PARN: variants seen among roughly 807,000 people sequenced by gnomAD.
PARN encodes the protein poly(A)-specific ribonuclease PARN.
Under a neutral mutation model 102.8 loss-of-function variants are expected in PARN, and 71 were observed. The ratio of observed to expected loss-of-function variants is 0.69; its 90% CI spans 0.57 to 0.84. The LOEUF (loss-of-function observed/expected upper bound fraction) is 0.84. Ranked by LOEUF, PARN falls within the 40% of genes least tolerant of loss-of-function variation. The pLI is 0.00. For missense variants in PARN, 782 were observed against 760.9 expected (o/e 1.03, Z -0.33); for synonymous variants, 261 against 252.9 (o/e 1.03, Z -0.30).
At chr16:14,512,280 T>C (rs989616780) in intron 21 of PARN, among the ~76,000 whole-genome samples, 1 of 152,130 alleles carries the variant, frequency 6.6e-6, no homozygotes, top group East Asian at 1.9e-4. Context: ...GGCAGGCAGA[T>C]TGCTTGAGGT....
intron 21 of PARN, among the ~76,000 whole-genome samples, chr16:14,509,865 G>A (rs554921992): frequency 6.6e-6 from 1 of 152,306 alleles, no homozygotes; most frequent in South Asian, 2.1e-4. Flanking sequence ...AAGTGTCCTT[G>A]TTATTGCTTT....
rs1292422971 is a variant in PARN, at chr16:14,558,605, T to G, written c.1263-2896A>C. 2.0e-5 allele frequency: 3 copies of G among 152,180 alleles called. No homozygotes were observed. In the East Asian group the frequency reaches 5.8e-4, roughly 29 times the overall value. The allele number at this position is 152,180 out of a possible 1,614,324, so 9.4% of individuals were successfully genotyped here. A position where few individuals can be genotyped will look rare whatever the true frequency, so the allele number is the denominator to read the frequency against. On this transcript the variant is annotated intron_variant, in intron 18 of 23. Transcript: ENST00000437198. ...GCTATACCATCAAATATGCCAATAATCAAAATCAACCTCAAGATTTGATAA... is the reference window on the plus strand; with the variant it reads ...GCTATACCATCAAATATGCCAATAAGCAAAATCAACCTCAAGATTTGATAA...
intron 18 of PARN, among the ~76,000 whole-genome samples, chr16:14,559,926 C>T (rs1268072170): frequency 6.6e-6 from 1 of 152,188 alleles, no homozygotes; most frequent in Non-Finnish European, 1.5e-5. Context: ...AAAACTGTGG[C>T]TGAGTGTCTG....
chr16:14,530,127 A>G (rs1160175525), intron 21 of PARN, among the ~76,000 whole-genome samples: 1 of 152,214 alleles, frequency 6.6e-6, no homozygotes, highest in East Asian at 1.9e-4. Context: ...AGGAGAGCCA[A>G]GCAAGGTGGA....
At position 14,473,193 on chromosome 16, in the gene PARN, T is replaced by C. The variant is rs1962845838; in HGVS notation, c.1670+9445A>G. On this transcript the variant is annotated intron_variant, in intron 22 of 23. Coordinates refer to ENST00000437198, the MANE Select transcript of PARN (RefSeq NM_002582.4). ...AAAAGAATATAACAGGAGCTGCCACTGGGAAGAGAAGCTGCGAGTGAGGAA... is the reference window on the plus strand; with the variant it reads ...AAAAGAATATAACAGGAGCTGCCACCGGGAAGAGAAGCTGCGAGTGAGGAA... Among the ~76,000 whole-genome samples the C allele has an allele frequency of 2.0e-5, 3 of 152,202 alleles. No individual in the cohort carries two copies. The South Asian group carries it at 6.2e-4, about 31-fold the overall frequency.
At chr16:14,556,217 G>A (rs556425781) in intron 18 of PARN, among the ~76,000 whole-genome samples, 3 of 151,664 alleles carry the variant, frequency 2.0e-5, no homozygotes, top group Admixed American at 6.6e-5. Flanking sequence ...GGAGTGCAGC[G>A]GCACAATCTC....
At chr16:14,538,448 G>C (rs757824403) in intron 21 of PARN, among the ~76,000 whole-genome samples, 1 of 151,750 alleles carries the variant, frequency 6.6e-6, no homozygotes, top group Non-Finnish European at 1.5e-5. Flanking sequence ...TCAAACTCCT[G>C]GCATCAAGTG....
chr16:14,509,898 G>C (rs1385221184), intron 21 of PARN, among the ~76,000 whole-genome samples: 1 of 152,106 alleles, frequency 6.6e-6, no homozygotes, highest in East Asian at 1.9e-4. Context: ...AATGGGTTTC[G>C]CAACTCACCA....
At chr16:14,616,847 A>G (rs2151806973) in intron 6 of PARN, among the ~76,000 whole-genome samples, 1 of 152,272 alleles carries the variant, frequency 6.6e-6, no homozygotes, top group South Asian at 2.1e-4. Context: ...GAGGGTTTTC[A>G]TTACAGCATC....
intron 21 of PARN, among the ~76,000 whole-genome samples, chr16:14,534,186 T>G (rs867774380): frequency 2.2e-5 from 3 of 137,488 alleles, no homozygotes; most frequent in Middle Eastern, 4.1e-3. Context: ...GCCACTGCAC[T>G]CCAGCCTGGG....
intron 22 of PARN, among the ~76,000 whole-genome samples, chr16:14,481,155 T>G (rs1033167696): frequency 1.3e-5 from 2 of 152,122 alleles, no homozygotes; most frequent in African/African-American, 4.8e-5. Flanking sequence ...CTCCTACATA[T>G]GCAGACAAAA....
chr16:14,532,704 G>A (rs1180988435), intron 21 of PARN, among the ~76,000 whole-genome samples: 3 of 151,742 alleles, frequency 2.0e-5, no homozygotes, highest in African/African-American at 7.3e-5. Flanking sequence ...ACGGGGGGGC[G>A]ACCGGGCAGA....
At chr16:14,570,617 T>G (rs891287679) in intron 18 of PARN, among the ~76,000 whole-genome samples, 1 of 143,040 alleles carries the variant, frequency 7.0e-6, no homozygotes, top group African/African-American at 2.6e-5. Context: ...GCCACTGCAC[T>G]CCAGCCTGGG....
At chr16:14,474,562 C>G (rs1962933197) in intron 22 of PARN, among the ~76,000 whole-genome samples, 1 of 152,128 alleles carries the variant, frequency 6.6e-6, no homozygotes, top group African/African-American at 2.4e-5. Flanking sequence ...AATTTAAGAG[C>G]CAGAAGGGAC....
rs755932317 is a variant in PARN, at chr16:14,436,750, A to G, written c.1887T>C (p.Pro629=). The change falls in exon 24 of 24, where the codon CCT becomes CCC. Residue 629 remains proline, a synonymous_variant. Coordinates refer to ENST00000437198, the MANE Select transcript of PARN (RefSeq NM_002582.4). The part of the protein sequence containing the change: ...SPAGSISKNS[P]ATLFEVPDTW ...TGTCAGGAACTTCAAAGAGTGTGGC[A>G]GGGCTGTTCTTCGAGATGCTTCCTG... 3.8e-6 allele frequency: 6 copies of G among 1,598,106 alleles called. No individual in the cohort carries two copies. Among genetic ancestry groups the G allele is most frequent in the Admixed American group, 3.5e-5 (2 of 57,342 alleles).
rs1567277256 is a variant in PARN at position 14,435,895 on chromosome 16, T to TACACAC, written c.*821_*822insGTGTGT. On this transcript the variant is annotated 3_prime_UTR_variant, in exon 24 of 24. Coordinates refer to ENST00000437198, the MANE Select transcript of PARN (RefSeq NM_002582.4). ...GGGACATGTTGTAGATTTGCACGAT[T>TACACAC]TCACACACACACACACACACACACA... 6 of 108,166 alleles carry TACACAC rather than the reference T, an allele frequency of 5.5e-5. No homozygotes were observed. Among genetic ancestry groups the TACACAC allele is most frequent in the South Asian group, 8.1e-4 (2 of 2,474 alleles). The allele number at this position is 108,166 out of a possible 1,614,324, so 6.7% of individuals were successfully genotyped here. A position where few individuals can be genotyped will look rare whatever the true frequency, so the allele number is the denominator to read the frequency against.
chr16:14,474,379 G>A (rs1962924310), intron 22 of PARN, among the ~76,000 whole-genome samples: 1 of 152,160 alleles, frequency 6.6e-6, no homozygotes, highest in East Asian at 1.9e-4. Flanking sequence ...CTGTGACACT[G>A]ATTTACTGTA....
At chr16:14,450,346 G>C (rs1961395791) in intron 22 of PARN, among the ~76,000 whole-genome samples, 1 of 152,180 alleles carries the variant, frequency 6.6e-6, no homozygotes, top group Admixed American at 6.5e-5. Flanking sequence ...TTAGCTGCAT[G>C]ATAGCACTGG....
chr16:14,441,882 C>G (rs1202589286), intron 23 of PARN, among the ~76,000 whole-genome samples: 1 of 152,148 alleles, frequency 6.6e-6, no homozygotes, highest in East Asian at 1.9e-4. Flanking sequence ...TAATTAGGTT[C>G]TAAATTTTTA....
Sources: allele counts gnomAD v4.1 joint callset (sites outside exome capture counted in the v4.1 genomes callset), GRCh38; gene constraint gnomAD v4.1.1; transcripts MANE v1.5; gene names NCBI Gene and HGNC (gene_info 2026-07-23, HGNC 2026-07-21).